Variants in SNX25 observed in about 807,000 individuals in gnomAD.
SNX25 encodes sorting nexin 25, also known as sorting nexin-25.
In SNX25, 62 loss-of-function variants were observed where a neutral mutation model predicts 113.7. The observed-to-expected ratio is 0.55, with a 90% CI of 0.44 to 0.67. SNX25 has a LOEUF of 0.67. Ranked by LOEUF, SNX25 falls within the 30% of genes least tolerant of loss-of-function variation. The pLI, the probability that SNX25 is intolerant of heterozygous loss-of-function variation, is 0.00. For synonymous variants in SNX25, 421 were observed against 436.2 expected (o/e 0.97, Z 0.43); for missense variants, 1,014 against 1,161.0 (o/e 0.87, Z 1.84).
intron 6 of SNX25, among the ~76,000 whole-genome samples, chr4:185,302,135 T>C (rs1288560): frequency 0.46 from 67,042 of 146,304 alleles, 15,341 homozygotes; most frequent in East Asian, 0.57. Context: ...AGGGTTTCAC[T>C]ATGTTGGTTA....
chr4:185,266,371 TG>T (rs1748081011), intron 4 of SNX25, among the ~76,000 whole-genome samples: 1 of 152,214 alleles, frequency 6.6e-6, no homozygotes, highest in African/African-American at 2.4e-5. Flanking sequence ...TGTGGTTTTT[TG>T]TTTTTTGAGA....
chr4:185,321,539 A>G (rs909758994), intron 8 of SNX25, among the ~76,000 whole-genome samples: 3 of 152,182 alleles, frequency 2.0e-5, no homozygotes, highest in African/African-American at 7.2e-5. Flanking sequence ...CTGGGATTAC[A>G]GTCATGAGCC....
downstream of SNX25, among the ~76,000 whole-genome samples, chr4:185,368,582 C>T (rs189857540): frequency 5.3e-5 from 8 of 152,132 alleles, no homozygotes; most frequent in Non-Finnish European, 8.8e-5. Flanking sequence ...TCATATCATG[C>T]GTCATATGAT....
chr4:185,346,518 T>G lies in SNX25; in HGVS notation c.2188-19T>G. ...AATGTAATTTCAAAATACTAACATT[T>G]CATTTTTTCCCCCCACAGTGCGTCC... On this transcript the variant is annotated intron_variant, in intron 12 of 18. Coordinates refer to ENST00000652585, the MANE Select transcript of SNX25 (RefSeq NM_001378034.2). 1 of 1,458,200 alleles carries G rather than the reference T, an allele frequency of 6.9e-7. No individual in the cohort carries two copies. The highest frequency in any genetic ancestry group is 9.5e-7 in the Non-Finnish European group (1 of 1,058,034). The allele number at this position is 1,458,200 out of a possible 1,614,324, so 90.3% of individuals were successfully genotyped here.
chr4:185,205,828 C>G (rs572336878), upstream of SNX25, among the ~76,000 whole-genome samples: 1 of 152,308 alleles, frequency 6.6e-6, no homozygotes, highest in South Asian at 2.1e-4. Flanking sequence ...GCCCCTGTCT[C>G]TAAATAAATA....
chr4:185,288,623 G>A (rs1751703770), intron 6 of SNX25, among the ~76,000 whole-genome samples: 1 of 146,254 alleles, frequency 6.8e-6, no homozygotes, highest in African/African-American at 2.5e-5. Context: ...TGGGGGGGTG[G>A]TGTATATATA....
downstream of SNX25, chr4:185,367,267 A>C (rs371006528): frequency 6.3e-7 from 1 of 1,598,550 alleles, no homozygotes; most frequent in Non-Finnish European, 8.6e-7. Flanking sequence ...AAAGAGTCAG[A>C]TATTTAGATA....
At chr4:185,326,595 A>G (rs1458533201) in intron 9 of SNX25, among the ~76,000 whole-genome samples, 2 of 152,228 alleles carry the variant, frequency 1.3e-5, no homozygotes, top group Non-Finnish European at 2.9e-5. Context: ...TATCAGAATT[A>G]TAGGCGTCTC....
chr4:185,243,554 A>G (rs777344823), intron 1 of SNX25, among the ~76,000 whole-genome samples: 91 of 152,150 alleles, frequency 6.0e-4, no homozygotes, highest in Non-Finnish European at 1.2e-4. Flanking sequence ...GTGAGCCAAG[A>G]TTGCACCACT....
chr4:185,320,599 A>T, intron 7 of SNX25, 134 bp from the exon 8 acceptor site: 1 of 557,198 alleles, frequency 1.8e-6, no homozygotes. Context: ...GTAAATTACT[A>T]CAATAAAATT....
At position 185,277,720 on chromosome 4, in the gene SNX25, CTTTTTTTTTTT is replaced by C. The variant is rs758092952; in HGVS notation, c.1092-10272_1092-10262del. 7.5e-3 allele frequency among the ~76,000 whole-genome samples: 476 copies of C among 63,450 alleles called. 28 individuals are homozygous for C. The highest frequency in any genetic ancestry group is 0.013 in the Non-Finnish European group (401 of 31,844). The allele number at this position is 63,450 out of a possible 152,430, so 41.6% of individuals were successfully genotyped here. ...ATGATGAGTTTTGAGTACTTATTAC[CTTTTTTTTTTT>C]TTTTTTTTTTTTTTTTTTTGAGACG... is the stretch of plus-strand genomic sequence containing the variant. On this transcript the variant is annotated intron_variant, in intron 5 of 18. Transcript: ENST00000652585.
chr4:185,218,460 C>T (rs1739250437), intron 1 of SNX25, among the ~76,000 whole-genome samples: 1 of 152,184 alleles, frequency 6.6e-6, no homozygotes, highest in African/African-American at 2.4e-5. Flanking sequence ...TGGTGGGCCT[C>T]TCAGCCCAGG....
At chr4:185,355,011 C>A (rs556595327) in intron 15 of SNX25, among the ~76,000 whole-genome samples, 13 of 152,348 alleles carry the variant, frequency 8.5e-5, no homozygotes, top group African/African-American at 3.1e-4. Context: ...AGTAGGCTAC[C>A]AGTTGGTCTT....
At chr4:185,257,028 G>T (rs1396945680) in intron 2 of SNX25, among the ~76,000 whole-genome samples, 1 of 152,124 alleles carries the variant, frequency 6.6e-6, no homozygotes, top group Admixed American at 6.5e-5. Context: ...TAGGTTAGTT[G>T]TTCGTAGGGA....
At chr4:185,375,164 A>G (rs1432651608), downstream of SNX25, among the ~76,000 whole-genome samples, 1 of 150,704 alleles carries the variant, frequency 6.6e-6, no homozygotes, top group Admixed American at 6.6e-5. Context: ...CCCAGGCTGG[A>G]GTGCAGTGGC....
At chr4:185,289,151 AAT>A (rs1314833052) in intron 6 of SNX25, among the ~76,000 whole-genome samples, 1 of 152,216 alleles carries the variant, frequency 6.6e-6, no homozygotes, top group Non-Finnish European at 1.5e-5. Flanking sequence ...AGCCTGTGCA[AAT>A]ATGTCCATTC....
the SNX25 span, chr4:185,377,001 A>T: frequency 6.2e-7 from 1 of 1,611,942 alleles, no homozygotes; most frequent in South Asian, 1.1e-5. Flanking sequence ...TTATCCACCA[A>T]ATTAGCATGG....
At chr4:185,251,090 G>T (rs1043980765) in intron 2 of SNX25, among the ~76,000 whole-genome samples, 3 of 152,010 alleles carry the variant, frequency 2.0e-5, no homozygotes, top group Non-Finnish European at 2.9e-5. Flanking sequence ...TGCCTCCTGG[G>T]TTCAAGCAGT....
chr4:185,367,070 C>A, downstream of SNX25: 1 of 961,170 alleles, frequency 1.0e-6, no homozygotes, highest in Non-Finnish European at 1.6e-6. Context: ...CTGTAAAATA[C>A]CCAGGATAGT....
Sources: gnomAD v4.1 joint callset for allele counts (sites outside exome capture counted in the v4.1 genomes callset) on GRCh38, gnomAD v4.1.1 for gene constraint, MANE v1.5 for transcripts, NCBI Gene and HGNC (gene_info 2026-07-23, HGNC 2026-07-21) for gene names.